ZFHX3: variants seen among roughly 807,000 people sequenced by gnomAD.
ZFHX3 encodes zinc finger homeobox 3, also known as zinc finger homeobox protein 3.
Under a neutral mutation model 279.1 loss-of-function variants are expected in ZFHX3, and 42 were observed. The observed-to-expected ratio is 0.15, with a 90% confidence interval of 0.12 to 0.19. ZFHX3 has a LOEUF of 0.19. ZFHX3 is among the 10% of genes least tolerant of loss of function. The pLI is 1.00. For synonymous variants in ZFHX3, 2,293 were observed against 1,957.8 expected (o/e 1.17, Z -4.52); for missense variants, 4,981 against 4,754.0 (o/e 1.05, Z -1.40).
intron 3 of ZFHX3, among the ~76,000 whole-genome samples, chr16:72,929,996 T>C (rs1003563092): frequency 6.6e-6 from 1 of 152,204 alleles, no homozygotes; most frequent in Non-Finnish European, 1.5e-5. Flanking sequence ...AGTGGGCGGA[T>C]CACTGGAGGT....
intron 3 of ZFHX3, among the ~76,000 whole-genome samples, chr16:72,923,950 C>T (rs1484386435): frequency 6.6e-6 from 1 of 152,212 alleles, no homozygotes; most frequent in African/African-American, 2.4e-5. Context: ...TTACTCATTA[C>T]ATGTCAAAAT....
chr16:73,372,654 C>A (rs931016384), intron 3 of ZFHX3, among the ~76,000 whole-genome samples: 1 of 152,186 alleles, frequency 6.6e-6, no homozygotes, highest in African/African-American at 2.4e-5. Flanking sequence ...CGATGATTTT[C>A]TCTGGCTGCT....
At chr16:72,929,199 CT>C (rs1467678539) in intron 3 of ZFHX3, among the ~76,000 whole-genome samples, 2 of 150,058 alleles carry the variant, frequency 1.3e-5, no homozygotes, top group Non-Finnish European at 3.0e-5. Flanking sequence ...GATGGCGCCA[CT>C]GCACTCCAGC....
chr16:72,965,433 G>C (rs1208018801), intron 1 of ZFHX3, among the ~76,000 whole-genome samples: 1 of 152,188 alleles, frequency 6.6e-6, no homozygotes, highest in Non-Finnish European at 1.5e-5. Flanking sequence ...AAGGAGGTAG[G>C]AGAAGCTGCT....
Position 72,788,870 on chromosome 16 carries a change from A to G in ZFHX3, c.9428-22T>C, listed in dbSNP as rs947255772. ...AAAGCTGAAAGGAATGGAGACAGAAATCACCGGTCAGTCTGGGCAGGGGTA... is the reference window on the plus strand; with the variant it reads ...AAAGCTGAAAGGAATGGAGACAGAAGTCACCGGTCAGTCTGGGCAGGGGTA... On this transcript the variant is annotated intron_variant, in intron 9 of 9. Coordinates refer to ENST00000268489, the MANE Select transcript of ZFHX3 (RefSeq NM_006885.4). 4.0e-6 allele frequency: 6 copies of G among 1,514,312 alleles called. No homozygotes were observed. In the African/African-American group the frequency reaches 7.0e-5, roughly 18 times the overall value. The allele number at this position is 1,514,312 out of a possible 1,614,324, so 93.8% of individuals were successfully genotyped here.
chr16:73,475,647 C>G (rs1390149255), intron 2 of ZFHX3, among the ~76,000 whole-genome samples: 1 of 151,910 alleles, frequency 6.6e-6, no homozygotes, highest in Non-Finnish European at 1.5e-5. Flanking sequence ...TGTTAACTTC[C>G]TCAATTGAAT....
In ZFHX3 at chr16:72,785,700, A is replaced by C. The variant is rs1164930727; in HGVS notation, c.*1464T>G. The C allele has an allele frequency of 6.6e-6, 1 of 152,166 alleles. No homozygotes were observed. Among genetic ancestry groups the C allele is most frequent in the Non-Finnish European group, 1.5e-5 (1 of 68,030 alleles). The allele number at this position is 152,166 out of a possible 1,614,324, so 9.4% of individuals were successfully genotyped here. ...CCAAAAACCAAATCCCTAACCAAAA[A>C]CTTTTTTTAGAAAAGAAAAGTACAC... On this transcript the variant is annotated 3_prime_UTR_variant, in exon 10 of 10. Transcript: ENST00000268489.
intron 5 of ZFHX3, among the ~76,000 whole-genome samples, chr16:73,191,702 G>GAGACAATAC (rs1376025246): frequency 6.6e-6 from 1 of 151,204 alleles, no homozygotes; most frequent in Non-Finnish European, 1.5e-5. Flanking sequence ...GGCTCTTTCA[G>GAGACAATAC]AGACAATACA....
chr16:73,294,000 A>C (rs1369711238), intron 4 of ZFHX3: 2 of 151,258 alleles, frequency 1.3e-5, no homozygotes, highest in African/African-American at 4.8e-5. Flanking sequence ...AAAAAAAAAA[A>C]AAAAAAAAAA....
At chr16:73,336,586 T>C (rs1450785306) in intron 3 of ZFHX3, among the ~76,000 whole-genome samples, 1 of 152,134 alleles carries the variant, frequency 6.6e-6, no homozygotes, top group South Asian at 2.1e-4. Context: ...TTTATGACTG[T>C]GTAGTAGTTC....
intron 1 of ZFHX3, among the ~76,000 whole-genome samples, chr16:73,712,358 C>T (rs1018251325): frequency 2.6e-5 from 4 of 152,208 alleles, no homozygotes; most frequent in African/African-American, 9.6e-5. Flanking sequence ...CTCCTTGGGG[C>T]CTTCTCCTCA....
chr16:73,528,013 A>C (rs760650483), intron 2 of ZFHX3, among the ~76,000 whole-genome samples: 10 of 152,206 alleles, frequency 6.6e-5, no homozygotes, highest in African/African-American at 2.4e-4. Flanking sequence ...TAGAAAACTA[A>C]TACACCCACT....
At chr16:73,509,521 CTTTTTT>C (rs531436437) in intron 2 of ZFHX3, among the ~76,000 whole-genome samples, 347 of 102,962 alleles carry the variant, frequency 3.4e-3, no homozygotes, top group Middle Eastern at 7.4e-3. Context: ...TTTCCCTCTC[CTTTTTT>C]TTTTTTTTTT....
chr16:73,836,470 G>A (rs1455739182), intron 1 of ZFHX3, among the ~76,000 whole-genome samples: 4 of 152,284 alleles, frequency 2.6e-5, no homozygotes, highest in Non-Finnish European at 4.4e-5. Context: ...CAGGACTTGA[G>A]TCATTTCATA....
At chr16:73,444,679 C>G (rs1159526989) in intron 3 of ZFHX3, among the ~76,000 whole-genome samples, 1 of 152,224 alleles carries the variant, frequency 6.6e-6, no homozygotes, top group Middle Eastern at 3.2e-3. Context: ...AACATGTTCT[C>G]TCTTTGGTGC....
chr16:72,952,668 G>A (rs1961053246), intron 2 of ZFHX3, among the ~76,000 whole-genome samples: 1 of 152,200 alleles, frequency 6.6e-6, no homozygotes, highest in African/African-American at 2.4e-5. Context: ...CTCCACGAAA[G>A]GGCCGGGCGA....
At chr16:73,417,321 G>A (rs1451766022) in intron 3 of ZFHX3, among the ~76,000 whole-genome samples, 5 of 151,820 alleles carry the variant, frequency 3.3e-5, no homozygotes, top group South Asian at 2.1e-4. Context: ...TGAAAACACC[G>A]GTGAAATCCA....
rs148892662 is a variant in ZFHX3 at position 72,796,340 on chromosome 16, T to G, written c.6342A>C (p.Leu2114=). The G allele has an allele frequency of 3.7e-6, 6 of 1,613,724 alleles. No individual in the cohort carries two copies. In the Admixed American group the frequency reaches 1.0e-4, roughly 27 times the overall value. The change falls in exon 9 of 10, where the codon CTA becomes CTC. Residue 2114 remains leucine, a synonymous_variant. Coordinates refer to ENST00000268489, the MANE Select transcript of ZFHX3 (RefSeq NM_006885.4). ...GCTCCACAGGTCCCAGCTGCGGGGG[T>G]AGCTGAGCCGGCAAGGTCTGCAGCG... ...TMPLQTLPAQ[L]PPQLGPVEPL...
chr16:73,835,458 CTTTTTT>C (rs34127285), intron 1 of ZFHX3, among the ~76,000 whole-genome samples: 1 of 49,530 alleles, frequency 2.0e-5, no homozygotes, highest in Non-Finnish European at 4.1e-5. Flanking sequence ...CCCTCTTCTG[CTTTTTT>C]TTTTTTTTTT....
Sources: gnomAD v4.1 joint callset for allele counts (sites outside exome capture counted in the v4.1 genomes callset) on GRCh38, gnomAD v4.1.1 for gene constraint, MANE v1.5 for transcripts, NCBI Gene and HGNC (gene_info 2026-07-23, HGNC 2026-07-21) for gene names.